Variants in PDE1A observed in about 807,000 individuals in gnomAD.
PDE1A encodes the protein dual specificity calcium/calmodulin-dependent 3',5'-cyclic nucleotide phosphodiesterase 1A.
Under a neutral mutation model 61.7 loss-of-function variants are expected in PDE1A, and 35 were observed. That is an observed-to-expected ratio of 0.57 (90% CI 0.43 to 0.75). PDE1A has a LOEUF of 0.75. Among genes scored for constraint, PDE1A ranks in the 30% least tolerant of loss-of-function variants. The pLI is 0.00. For synonymous variants in PDE1A, 232 were observed against 213.2 expected (o/e 1.09, Z -0.77); for missense variants, 597 against 630.6 (o/e 0.95, Z 0.57).
At chr2:182,700,808 T>C in the PDE1A span, among the ~76,000 whole-genome samples, 2 of 150,034 alleles carry the variant, frequency 1.3e-5, no homozygotes, top group Admixed American at 6.6e-5. Flanking sequence ...TCCCAACTAC[T>C]TGGGAGGCTG....
At chr2:182,279,784 G>A (rs956720376) in intron 1 of PDE1A, among the ~76,000 whole-genome samples, 1 of 151,598 alleles carries the variant, frequency 6.6e-6, no homozygotes, top group African/African-American at 2.4e-5. Flanking sequence ...ATAAAAATTA[G>A]CAGTTTCTTC....
chr2:182,570,557 A>G, the PDE1A span, among the ~76,000 whole-genome samples: 2 of 152,226 alleles, frequency 1.3e-5, no homozygotes, highest in Admixed American at 6.5e-5. Flanking sequence ...TGTCAAATAC[A>G]GCGACAAATC....
At chr2:182,481,887 C>T (rs1050091629) in intron 2 of PDE1A, among the ~76,000 whole-genome samples, 1 of 151,916 alleles carries the variant, frequency 6.6e-6, no homozygotes. Context: ...AGAGCATTGA[C>T]TTTAGAATCA....
intron 13 of PDE1A, among the ~76,000 whole-genome samples, chr2:182,181,474 C>T (rs191466505): frequency 5.9e-5 from 9 of 152,258 alleles, no homozygotes; most frequent in African/African-American, 1.2e-4. Flanking sequence ...CTTCAGCTCT[C>T]CTGTATGAGG....
At chr2:182,659,923 A>G in the PDE1A span, among the ~76,000 whole-genome samples, 1 of 152,222 alleles carries the variant, frequency 6.6e-6, no homozygotes, top group Non-Finnish European at 1.5e-5. Context: ...TTTTGTAAAC[A>G]CTCTAACATA....
At chr2:182,551,625 C>A in the PDE1A span, among the ~76,000 whole-genome samples, 1 of 152,100 alleles carries the variant, frequency 6.6e-6, no homozygotes, top group African/African-American at 2.4e-5. Context: ...CCAGTTCCCC[C>A]TAGAAAGCAT....
chr2:182,434,807 T>C (rs1704129607), intron 2 of PDE1A, among the ~76,000 whole-genome samples: 1 of 152,090 alleles, frequency 6.6e-6, no homozygotes, highest in South Asian at 2.1e-4. Context: ...CTAGATTCCC[T>C]TGATTTGTGT....
At chr2:182,694,826 G>GT in the PDE1A span, among the ~76,000 whole-genome samples, 3 of 88,132 alleles carry the variant, frequency 3.4e-5, no homozygotes, top group Non-Finnish European at 8.1e-5. Flanking sequence ...AAAAAAAGGT[G>GT]GGGGGGGGGC....
intron 13 of PDE1A, among the ~76,000 whole-genome samples, chr2:182,178,618 T>C (rs1257620107): frequency 6.6e-6 from 1 of 152,050 alleles, no homozygotes; most frequent in East Asian, 1.9e-4. Context: ...CATGTTCCCT[T>C]ATCCAGCATT....
upstream of PDE1A, among the ~76,000 whole-genome samples, chr2:182,429,021 C>G (rs988435348): frequency 6.6e-6 from 1 of 152,144 alleles, no homozygotes; most frequent in Admixed American, 6.6e-5. Context: ...AGTTGTTAAT[C>G]ATAGGAAATC....
At chr2:182,397,014 G>T (rs538703806) in intron 1 of PDE1A, among the ~76,000 whole-genome samples, 11 of 152,174 alleles carry the variant, frequency 7.2e-5, no homozygotes, top group African/African-American at 1.7e-4. Flanking sequence ...TCTTCTTCAA[G>T]ACTTGGTTAT....
chr2:182,242,856 G>C (rs2568671), intron 2 of PDE1A, among the ~76,000 whole-genome samples: 1 of 145,624 alleles, frequency 6.9e-6, no homozygotes, highest in Non-Finnish European at 1.5e-5. Context: ...TACGTATCTC[G>C]CTCTCTCTCT....
intron 2 of PDE1A, among the ~76,000 whole-genome samples, chr2:182,470,683 G>A (rs1686970603): frequency 6.6e-6 from 1 of 151,852 alleles, no homozygotes; most frequent in East Asian, 1.9e-4. Flanking sequence ...TCTTAAGAAT[G>A]GGAAGAAGTC....
chr2:182,686,783 T>C, the PDE1A span, among the ~76,000 whole-genome samples: 2 of 152,210 alleles, frequency 1.3e-5, no homozygotes, highest in African/African-American at 2.4e-5. Flanking sequence ...TTCATAGCCA[T>C]GCAAAGCTGT....
chr2:182,146,631 C>G (rs1328616014), downstream of PDE1A, among the ~76,000 whole-genome samples: 1 of 151,952 alleles, frequency 6.6e-6, no homozygotes, highest in Non-Finnish European at 1.5e-5. Context: ...ATTACAGGTG[C>G]CTGCCACCAC....
chr2:182,199,701 T>C (rs1686451591), intron 10 of PDE1A, among the ~76,000 whole-genome samples: 1 of 152,116 alleles, frequency 6.6e-6, no homozygotes, highest in Non-Finnish European at 1.5e-5. Flanking sequence ...TTTGGTAGGT[T>C]TTTACATTTA....
chr2:182,434,448 T>C (rs1704109308), intron 2 of PDE1A, among the ~76,000 whole-genome samples: 2 of 152,080 alleles, frequency 1.3e-5, no homozygotes, highest in Admixed American at 1.3e-4. Flanking sequence ...GGAAGTCCAA[T>C]ATCAAGGTGT....
At chr2:182,367,762 C>A (rs890470766) in intron 1 of PDE1A, among the ~76,000 whole-genome samples, 16 of 151,760 alleles carry the variant, frequency 1.1e-4, no homozygotes, top group African/African-American at 3.9e-4. Context: ...TGCACAGATG[C>A]CTTAATATAT....
the PDE1A span, among the ~76,000 whole-genome samples, chr2:182,652,655 T>C: frequency 6.6e-6 from 1 of 152,062 alleles, no homozygotes; most frequent in Non-Finnish European, 1.5e-5. Flanking sequence ...TACCCTATAT[T>C]AAATGCAATT....
Sources: allele counts gnomAD v4.1 joint callset (sites outside exome capture counted in the v4.1 genomes callset), GRCh38; gene constraint gnomAD v4.1.1; transcripts MANE v1.5; gene names NCBI Gene and HGNC (gene_info 2026-07-23, HGNC 2026-07-21).